Variants in DMC1 observed in about 807,000 individuals in gnomAD.
DMC1 encodes DNA meiotic recombinase 1.
A neutral mutation model predicts 50.1 loss-of-function variants in DMC1; 27 were observed. The observed-to-expected ratio is 0.54, with a 90% CI of 0.40 to 0.74. The LOEUF (loss-of-function observed/expected upper bound fraction) is 0.74. DMC1 is among the 30% of genes least tolerant of loss of function. DMC1 has a pLI of 0.00. For synonymous variants in DMC1, 148 were observed against 136.1 expected (o/e 1.09, Z -0.61); for missense variants, 295 against 420.2 (o/e 0.70, Z 2.60).
intron 7 of DMC1, among the ~76,000 whole-genome samples, chr22:38,551,809 G>A (rs1337714621): frequency 4.0e-5 from 6 of 150,806 alleles, no homozygotes; most frequent in Non-Finnish European, 8.8e-5. Context: ...AGCTACTAAC[G>A]ATAGAACCAG....
chr22:38,568,471 G>A, intron 1 of DMC1, 182 bp from the exon 2 acceptor site: 1 of 585,792 alleles, frequency 1.7e-6, no homozygotes, highest in South Asian at 2.0e-5. Flanking sequence ...GTGTGTGTGT[G>A]TGCATGTGTG....
chr22:38,513,023 G>T, the DMC1 span, among the ~76,000 whole-genome samples: 1 of 151,962 alleles, frequency 6.6e-6, no homozygotes, highest in African/African-American at 2.4e-5. Flanking sequence ...GGTGGAGGTT[G>T]CAGTGAGCCA....
chr22:38,559,476 G>A (rs2090503182), intron 5 of DMC1, among the ~76,000 whole-genome samples: 1 of 152,114 alleles, frequency 6.6e-6, no homozygotes. Context: ...GCCAAAACAG[G>A]TGTTTTGTGT....
At chr22:38,529,299 G>A (rs933629941) in intron 12 of DMC1, among the ~76,000 whole-genome samples, 4 of 152,094 alleles carry the variant, frequency 2.6e-5, no homozygotes, top group East Asian at 1.9e-4. Flanking sequence ...GTGAGCCACC[G>A]CACCCGGCCA....
Position 38,570,105 on chromosome 22 carries a change from TC to T in DMC1, c.-97del, listed in dbSNP as rs1361658770. ...TGAAGCCCCTCTGCCCCGCCCGACC[TC>T]CTCAGCTGACAGGATTCTAACTCGG... On this transcript the variant is annotated 5_prime_UTR_variant, in exon 1 of 14. Coordinates refer to ENST00000216024, the MANE Select transcript of DMC1 (RefSeq NM_007068.4). 6.6e-6 allele frequency: 1 copy of T among 151,700 alleles called. No individual in the cohort carries two copies. Among genetic ancestry groups the T allele is most frequent in the Non-Finnish European group, 1.5e-5 (1 of 68,008 alleles). 9.4% of individuals were successfully genotyped at this position (151,700 alleles called of 1,614,324 possible). A position where few individuals can be genotyped will look rare whatever the true frequency, so the allele number is the denominator to read the frequency against.
chr22:38,545,496 C>T (rs1306204066), intron 8 of DMC1, among the ~76,000 whole-genome samples: 2 of 152,126 alleles, frequency 1.3e-5, no homozygotes, highest in Non-Finnish European at 2.9e-5. Flanking sequence ...TATCTCGGCT[C>T]ACTGCAAGCT....
intron 4 of DMC1, among the ~76,000 whole-genome samples, chr22:38,565,696 C>T (rs1225995286): frequency 6.6e-6 from 1 of 152,196 alleles, no homozygotes; most frequent in African/African-American, 2.4e-5. Flanking sequence ...CCAGGTTAAG[C>T]CTCAATTTGG....
downstream of DMC1, among the ~76,000 whole-genome samples, chr22:38,515,607 T>C (rs1260789733): frequency 6.6e-6 from 1 of 152,104 alleles, no homozygotes; most frequent in Non-Finnish European, 1.5e-5. Context: ...GAGACCATCC[T>C]GGCCAACATG....
intron 8 of DMC1, among the ~76,000 whole-genome samples, chr22:38,541,165 G>T (rs928606337): frequency 6.6e-6 from 1 of 151,982 alleles, no homozygotes; most frequent in Non-Finnish European, 1.5e-5. Context: ...ATAAGATAAG[G>T]GTAATCACCC....
At chr22:38,515,883 A>G (rs1329542255), downstream of DMC1, among the ~76,000 whole-genome samples, 1 of 152,186 alleles carries the variant, frequency 6.6e-6, no homozygotes, top group African/African-American at 2.4e-5. Flanking sequence ...GTGAGGTCCA[A>G]GAACTCTCTC....
At chr22:38,565,483 C>T (rs2090571982) in intron 4 of DMC1, among the ~76,000 whole-genome samples, 1 of 152,248 alleles carries the variant, frequency 6.6e-6, no homozygotes, top group African/African-American at 2.4e-5. Context: ...TATGCATAAA[C>T]TGCCCCTTAA....
intron 11 of DMC1, 100 bp downstream of exon 11, chr22:38,538,195 T>TA (rs66487664): frequency 2.6e-4 from 238 of 926,838 alleles, no homozygotes; most frequent in African/African-American, 7.5e-4. Flanking sequence ...TAATTTTATT[T>TA]AAAAAAAAAT....
At chr22:38,524,960 C>T (rs1002853645) in intron 12 of DMC1, among the ~76,000 whole-genome samples, 2 of 152,044 alleles carry the variant, frequency 1.3e-5, no homozygotes, top group South Asian at 2.1e-4. Flanking sequence ...ACTCAGGAGG[C>T]GGAGGCAGGA....
chr22:38,531,779 C>A (rs906156530), intron 12 of DMC1, among the ~76,000 whole-genome samples: 32 of 152,130 alleles, frequency 2.1e-4, no homozygotes, highest in African/African-American at 7.7e-4. Flanking sequence ...GCCTTTGTTA[C>A]TTTGTCTAGC....
chr22:38,520,021 T>C lies in DMC1; in HGVS notation c.1022A>G (p.Ter341TrpextTer4), dbSNP rs756257989. ...AAGCAATTTGCATCAATTCACCACC[T>C]ACTCCTTGGCATCCCCAATTCCTCC... ...TAGGIGDAKE* is the reference protein window; with the variant it reads ...TAGGIGDAKEW The change falls in exon 14 of 14, where the codon TAG becomes TGG. Residue 341 changes from the stop codon to tryptophan, a stop_lost. Transcript: ENST00000216024. 5 of 1,613,276 alleles carry C rather than the reference T, an allele frequency of 3.1e-6. No individual in the cohort carries two copies. In the East Asian group the frequency reaches 8.9e-5, roughly 29 times the overall value.
At chr22:38,554,741 A>G (rs565867666) in intron 6 of DMC1, among the ~76,000 whole-genome samples, 2 of 152,128 alleles carry the variant, frequency 1.3e-5, no homozygotes, top group Non-Finnish European at 2.9e-5. Context: ...TTCATGGAAC[A>G]TTAATTGCCT....
At chr22:38,527,456 C>T (rs907674023) in intron 12 of DMC1, among the ~76,000 whole-genome samples, 13 of 151,746 alleles carry the variant, frequency 8.6e-5, no homozygotes, top group Non-Finnish European at 1.9e-4. Flanking sequence ...CCGCCCACCT[C>T]GGCCTCCCAA....
At chr22:38,555,324 T>G (rs1289074911) in intron 6 of DMC1, 33 bp downstream of exon 6, 1 of 1,450,986 alleles carries the variant, frequency 6.9e-7, no homozygotes, top group Non-Finnish European at 9.7e-7. Flanking sequence ...GTGTATAATA[T>G]TTCATTTAAC....
chr22:38,514,201 T>C (rs1302258401), downstream of DMC1, among the ~76,000 whole-genome samples: 10 of 149,746 alleles, frequency 6.7e-5, no homozygotes, highest in East Asian at 2.0e-3. Flanking sequence ...CTGGGTAAAA[T>C]AAGGCTGAGA....
Sources: allele counts gnomAD v4.1 joint callset (sites outside exome capture counted in the v4.1 genomes callset), GRCh38; gene constraint gnomAD v4.1.1; transcripts MANE v1.5; gene names NCBI Gene and HGNC (gene_info 2026-07-23, HGNC 2026-07-21).